The following SDC2 variants were observed in gnomAD, a reference collection of about 807,000 sequenced individuals.
SDC2 encodes the protein syndecan 2.
In SDC2, 13 loss-of-function variants were observed where a neutral mutation model predicts 22.2. The observed-to-expected ratio is 0.59, with a 90% CI of 0.38 to 0.93. The LOEUF is 0.93. Ranked by LOEUF, SDC2 falls within the 40% of genes least tolerant of loss-of-function variation. The pLI, the probability that SDC2 is intolerant of heterozygous loss-of-function variation, is 0.00. For missense variants in SDC2, 235 were observed against 246.8 expected (o/e 0.95, Z 0.32); for synonymous variants, 94 against 92.8 (o/e 1.01, Z -0.07).
At chr8:96,519,623 G>A (rs78980767) in intron 1 of SDC2, among the ~76,000 whole-genome samples, 5,943 of 151,688 alleles carry the variant, frequency 0.039, 182 homozygotes, top group Non-Finnish European at 0.061. Flanking sequence ...AAATTAAATC[G>A]CAATTTAATT....
intron 1 of SDC2, among the ~76,000 whole-genome samples, chr8:96,546,689 A>G (rs1330412118): frequency 6.6e-6 from 1 of 152,206 alleles, no homozygotes; most frequent in East Asian, 1.9e-4. Context: ...AGAGAGGGCT[A>G]TGTTAACAGT....
At chr8:96,574,071 C>A (rs1311972159) in intron 1 of SDC2, among the ~76,000 whole-genome samples, 1 of 148,604 alleles carries the variant, frequency 6.7e-6, no homozygotes, top group Non-Finnish European at 1.5e-5. Flanking sequence ...ATAGCTAGCA[C>A]CAACTCACCT....
chr8:96,527,145 G>T (rs1304927437), intron 1 of SDC2, among the ~76,000 whole-genome samples: 2 of 152,130 alleles, frequency 1.3e-5, no homozygotes, highest in East Asian at 3.9e-4. Context: ...CACTCCACAG[G>T]GGGAAGAGGG....
At chr8:96,508,099 A>T (rs913838476) in intron 1 of SDC2, among the ~76,000 whole-genome samples, 1 of 152,134 alleles carries the variant, frequency 6.6e-6, no homozygotes, top group Admixed American at 6.5e-5. Flanking sequence ...GATCAAGACC[A>T]TCTTGGCTAA....
intron 3 of SDC2, among the ~76,000 whole-genome samples, 186 bp from the exon 4 acceptor site, chr8:96,608,149 A>G (rs1369753094): frequency 1.3e-5 from 2 of 152,224 alleles, no homozygotes; most frequent in African/African-American, 4.8e-5. Context: ...TGTGCAAACC[A>G]TGAACTACAT....
chr8:96,506,106 C>T (rs908024145), intron 1 of SDC2, among the ~76,000 whole-genome samples: 2 of 152,196 alleles, frequency 1.3e-5, no homozygotes, highest in Non-Finnish European at 2.9e-5. Flanking sequence ...CTAAAACCTT[C>T]CTTGAAGTGG....
chr8:96,553,190 A>G (rs761404082), intron 1 of SDC2, among the ~76,000 whole-genome samples: 34 of 152,284 alleles, frequency 2.2e-4, no homozygotes, highest in Middle Eastern at 3.4e-3. Flanking sequence ...ATAACTTTTT[A>G]AAAGACTCAA....
chr8:96,565,311 T>A (rs1336159554), intron 1 of SDC2, among the ~76,000 whole-genome samples: 1 of 151,426 alleles, frequency 6.6e-6, no homozygotes, highest in Non-Finnish European at 1.5e-5. Flanking sequence ...GGTCTCGATC[T>A]CCTGACCTCG....
At chr8:96,537,346 A>G (rs992648714) in intron 1 of SDC2, 1 of 152,130 alleles carries the variant, frequency 6.6e-6, no homozygotes, top group East Asian at 1.9e-4. Context: ...CTGGAATTTG[A>G]ACTGTTGCCT....
At chr8:96,546,150 A>C (rs1462807368) in intron 1 of SDC2, among the ~76,000 whole-genome samples, 1 of 152,208 alleles carries the variant, frequency 6.6e-6, no homozygotes, top group African/African-American at 2.4e-5. Flanking sequence ...CCACCCCTCT[A>C]AAGACCTGAT....
At chr8:96,577,367 C>A (rs1814522351) in intron 1 of SDC2, among the ~76,000 whole-genome samples, 1 of 152,168 alleles carries the variant, frequency 6.6e-6, no homozygotes, top group Middle Eastern at 3.2e-3. Flanking sequence ...AATATATGGA[C>A]AGGCCTCAGG....
At chr8:96,514,376 G>A (rs1813371723) in intron 1 of SDC2, among the ~76,000 whole-genome samples, 1 of 152,146 alleles carries the variant, frequency 6.6e-6, no homozygotes, top group Non-Finnish European at 1.5e-5. Flanking sequence ...AGTAGCCACT[G>A]TCCCAACCTG....
chr8:96,557,542 G>T (rs865926827), intron 1 of SDC2, among the ~76,000 whole-genome samples: 1 of 147,496 alleles, frequency 6.8e-6, no homozygotes, highest in African/African-American at 2.5e-5. Flanking sequence ...ACCAAACACC[G>T]CATATTCTCA....
intron 1 of SDC2, among the ~76,000 whole-genome samples, chr8:96,527,574 C>T (rs2589213): frequency 0.16 from 25,023 of 152,120 alleles, 2,266 homozygotes; most frequent in Middle Eastern, 0.22. Flanking sequence ...GTGGCAAGTC[C>T]CAGGGCCTCT....
At chr8:96,582,358 C>A (rs1352665663) in intron 1 of SDC2, among the ~76,000 whole-genome samples, 1 of 151,666 alleles carries the variant, frequency 6.6e-6, no homozygotes, top group African/African-American at 2.4e-5. Context: ...TGCAGCCACC[C>A]TGGTGACTTG....
At chr8:96,568,698 A>AG (rs772218067) in intron 1 of SDC2, among the ~76,000 whole-genome samples, 2 of 152,264 alleles carry the variant, frequency 1.3e-5, no homozygotes, top group African/African-American at 2.4e-5. Flanking sequence ...AGAGCTGGTT[A>AG]GTGCAGCCCT....
chr8:96,536,254 A>G (rs1300018236), intron 1 of SDC2, among the ~76,000 whole-genome samples: 2 of 152,082 alleles, frequency 1.3e-5, no homozygotes, highest in African/African-American at 4.8e-5. Context: ...TGACGTGGGT[A>G]CTTCCACATA....
intron 1 of SDC2, among the ~76,000 whole-genome samples, chr8:96,517,032 G>A (rs1201352051): frequency 1.3e-5 from 2 of 152,140 alleles, no homozygotes; most frequent in African/African-American, 4.8e-5. Flanking sequence ...TGTTTTGCAA[G>A]GTAGCTGTAC....
In SDC2 at chr8:96,494,309, T is replaced by G. The variant is rs1262376223; in HGVS notation, c.38T>G (p.Val13Gly). The G allele has an allele frequency of 1.3e-6, 2 of 1,545,882 alleles. No individual in the cohort carries two copies. Among genetic ancestry groups the G allele is most frequent in the Non-Finnish European group, 1.7e-6 (2 of 1,149,536 alleles). ...TGGATCCTGCTCACCTTGGGCTTGG[T>G]GGCCTGCGTGTCGGCGGAGTCGGTG... ...RAWILLTLGL[V>G]ACVSAESRAE... The change falls in exon 1 of 5, where the codon GTG (valine) becomes GGG (glycine). Residue 13 changes from valine to glycine, a missense_variant. Transcript: ENST00000302190.
Sources: allele counts gnomAD v4.1 joint callset (sites outside exome capture counted in the v4.1 genomes callset), GRCh38; gene constraint gnomAD v4.1.1; transcripts MANE v1.5; gene names NCBI Gene and HGNC (gene_info 2026-07-23, HGNC 2026-07-21).